Variants in LARP4 observed in about 807,000 individuals in gnomAD.
LARP4 encodes the protein la-related protein 4.
Under a neutral mutation model 92.9 loss-of-function variants are expected in LARP4, and 29 were observed. That is an observed-to-expected ratio of 0.31 (90% CI 0.23 to 0.43). The LOEUF (loss-of-function observed/expected upper bound fraction) is 0.43. LARP4 is among the 20% of genes least tolerant of loss of function. The pLI, the probability that LARP4 is intolerant of heterozygous loss-of-function variation, is 1.00. For missense variants in LARP4, 732 were observed against 860.0 expected, an observed-to-expected ratio of 0.85 and a Z score of 1.86; for synonymous variants, 279 against 284.1, an observed-to-expected ratio of 0.98 and a Z score of 0.18.
rs750605740 is a variant in LARP4 at position 50,429,001 on chromosome 12, C to A, written c.233C>A (p.Thr78Asn). The A allele has an allele frequency of 1.2e-6, 2 of 1,605,884 alleles. No homozygotes were observed. The highest frequency in any genetic ancestry group is 8.5e-7 in the Non-Finnish European group (1 of 1,173,404). Residue 78 changes from threonine (T) to asparagine (N), a missense_variant, in exon 3 of 16, where the codon ACC becomes AAC. This residue lies in a region of LARP4 where 236 missense variants were observed against 307.6 expected (regional missense o/e 0.77). Transcript: ENST00000398473. Reference protein sequence around the residue: ...YEVMYSSSCETTRNTTGIEES... With the variant: ...YEVMYSSSCENTRNTTGIEES... The stretch of plus-strand genomic sequence containing the variant: ...GTAATGTATTCTTCATCTTGTGAAA[C>A]CACAAGAAATACTACAGGCATTGAA...
Position 50,472,209 on chromosome 12 carries a change from C to T in LARP4, c.1546-1206C>T, listed in dbSNP as rs1283416173. 2.6e-5 allele frequency among the ~76,000 whole-genome samples: 4 copies of T among 152,244 alleles called. No homozygotes were observed. The East Asian group carries it at 7.7e-4, about 29-fold the overall frequency. Reference sequence around the variant, plus strand: ...CACATAACAGCGTTTACCATCTTAACCATTTTAAGTGTGTACAGTTTTGTA... The same window carrying T: ...CACATAACAGCGTTTACCATCTTAATCATTTTAAGTGTGTACAGTTTTGTA... On this transcript the variant is annotated intron_variant, in intron 13 of 15. Coordinates refer to ENST00000398473, the MANE Select transcript of LARP4 (RefSeq NM_052879.5).
At chr12:50,403,371 C>CA (rs1273751098) in intron 1 of LARP4, among the ~76,000 whole-genome samples, 2 of 152,164 alleles carry the variant, frequency 1.3e-5, no homozygotes, top group Non-Finnish European at 2.9e-5. Flanking sequence ...GTGACCTTGT[C>CA]ACCAAGACAA....
chr12:50,435,542 C>T lies in LARP4; in HGVS notation c.453C>T (p.Phe151=). Residue 151 remains phenylalanine (F), a synonymous_variant, in exon 5 of 16, where the codon TTC becomes TTT. Transcript: ENST00000398473. ...TATCTCAAATGGATAGTGATCAGTT[C>T]ATCCCAATTTGGACAGTTGCCAACA... ...YLISQMDSDQ[F]IPIWTVANME... is the part of the protein sequence containing the mutation. The T allele has an allele frequency of 6.3e-7, 1 of 1,595,128 alleles. No individual in the cohort carries two copies. The highest frequency in any genetic ancestry group is 8.6e-7 in the Non-Finnish European group (1 of 1,163,156).
Position 50,479,332 on chromosome 12 carries a change from C to T in LARP4, c.*3468C>T, listed in dbSNP as rs771323990. On this transcript the variant is annotated 3_prime_UTR_variant, in exon 16 of 16. Transcript: ENST00000398473. ...AAACTCAAAAGAGAACAGTGTATTC[C>T]TTCTGAGGGGCTTTTATAAATTATT... The T allele has an allele frequency of 6.6e-6, 1 of 152,320 alleles. No homozygotes were observed. The highest frequency in any genetic ancestry group is 1.5e-5 in the Non-Finnish European group (1 of 67,984). 9.4% of individuals were successfully genotyped at this position (152,320 alleles called of 1,614,324 possible).
chr12:50,432,874 A>G (rs539358491), intron 4 of LARP4, among the ~76,000 whole-genome samples: 3 of 151,170 alleles, frequency 2.0e-5, no homozygotes, highest in African/African-American at 7.3e-5. Context: ...AAAAAAAAAA[A>G]AAAGAAAAGC....
chr12:50,475,357 TAATA>T (rs1473127070), intron 15 of LARP4, among the ~76,000 whole-genome samples, 165 bp from the exon 16 acceptor site: 3 of 152,336 alleles, frequency 2.0e-5, no homozygotes, highest in South Asian at 2.1e-4. Flanking sequence ...AATTATTGTA[TAATA>T]AATAAAGATT....
Position 50,464,261 on chromosome 12 carries a change from T to A in LARP4, c.1383+1631T>A, listed in dbSNP as rs183098582. Among the ~76,000 whole-genome samples, 351 of 152,366 alleles carry A rather than the reference T, an allele frequency of 2.3e-3. 3 individuals are homozygous for A. Among genetic ancestry groups the A allele is most frequent in the Non-Finnish European group, 2.8e-3 (193 of 68,040 alleles). The stretch of plus-strand genomic sequence containing the variant: ...ATGATGCAGGCATCTGCCCAGCTTC[T>A]GGGGAGGCCTTGGGAAACTTACAAT... On this transcript the variant is annotated intron_variant, in intron 12 of 15. Coordinates refer to ENST00000398473, the MANE Select transcript of LARP4 (RefSeq NM_052879.5).
intron 1 of LARP4, chr12:50,420,986 G>A (rs1041731031): frequency 8.4e-6 from 1 of 118,380 alleles, no homozygotes; most frequent in African/African-American, 3.2e-5. Flanking sequence ...GTCTCGCTGT[G>A]TCACCCAGGC....
At chr12:50,449,631 G>C (rs541160035) in intron 8 of LARP4, among the ~76,000 whole-genome samples, 1 of 152,098 alleles carries the variant, frequency 6.6e-6, no homozygotes, top group African/African-American at 2.4e-5. Flanking sequence ...TATGCTCATT[G>C]GTCTGTTAAT....
At chr12:50,426,732 G>GTGTGTGTGTGTGTGTGGT (rs1948838581) in intron 1 of LARP4, among the ~76,000 whole-genome samples, 1 of 52,110 alleles carries the variant, frequency 1.9e-5, no homozygotes, top group Non-Finnish European at 3.8e-5. Context: ...TGTGTGTGTG[G>GTGTGTGTGTGTGTGTGGT]TTTTTTTTTT....
intron 1 of LARP4, among the ~76,000 whole-genome samples, chr12:50,410,606 G>A (rs141722295): frequency 0.01 from 1,548 of 151,090 alleles, 29 homozygotes; most frequent in African/African-American, 0.036. Context: ...GGGTTTCATC[G>A]TGTTAGTCAG....
intron 8 of LARP4, among the ~76,000 whole-genome samples, chr12:50,451,093 T>G (rs58916974): frequency 0.11 from 16,634 of 152,172 alleles, 1,812 homozygotes; most frequent in East Asian, 0.47. Context: ...TTTTTGGTAT[T>G]GCAAACATTT....
chr12:50,468,925 G>T (rs562763075), intron 13 of LARP4, among the ~76,000 whole-genome samples: 2 of 151,676 alleles, frequency 1.3e-5, no homozygotes, highest in African/African-American at 2.4e-5. Context: ...GTGCACTCTC[G>T]GTGTCCTACT....
At chr12:50,413,422 G>A (rs1253095504) in intron 1 of LARP4, among the ~76,000 whole-genome samples, 1 of 152,110 alleles carries the variant, frequency 6.6e-6, no homozygotes, top group Non-Finnish European at 1.5e-5. Flanking sequence ...ATATTTTACA[G>A]TATCACAGAT....
At chr12:50,448,082 G>A (rs1952518715) in intron 8 of LARP4, among the ~76,000 whole-genome samples, 1 of 152,070 alleles carries the variant, frequency 6.6e-6, no homozygotes, top group Non-Finnish European at 1.5e-5. Flanking sequence ...GGACAGGTTG[G>A]TCTTGAATTC....
intron 1 of LARP4, among the ~76,000 whole-genome samples, chr12:50,403,921 C>T (rs1476859886): frequency 2.3e-5 from 1 of 42,956 alleles, no homozygotes; most frequent in African/African-American, 7.7e-5. Flanking sequence ...TTAGTATCCC[C>T]ATTTTAGTGA....
chr12:50,437,210 G>A (rs1593088491), intron 5 of LARP4, among the ~76,000 whole-genome samples: 1 of 152,200 alleles, frequency 6.6e-6, no homozygotes, highest in East Asian at 1.9e-4. Context: ...TGGCTTTTGG[G>A]TCTCTGTAGT....
At chr12:50,449,498 A>G (rs1952766207) in intron 8 of LARP4, among the ~76,000 whole-genome samples, 1 of 152,098 alleles carries the variant, frequency 6.6e-6, no homozygotes, top group African/African-American at 2.4e-5. Flanking sequence ...CATGGAAAGT[A>G]GCTAGATACT....
chr12:50,463,907 T>G (rs1182069972), intron 12 of LARP4, among the ~76,000 whole-genome samples: 1 of 152,136 alleles, frequency 6.6e-6, no homozygotes. Context: ...TGGAGCAGGT[T>G]TCTGTCTGGA....
Sources: allele counts gnomAD v4.1 joint callset (sites outside exome capture counted in the v4.1 genomes callset), GRCh38; gene constraint gnomAD v4.1.1; regional missense constraint gnomAD v4.1.1; transcripts MANE v1.5; gene names NCBI Gene and HGNC (gene_info 2026-07-23, HGNC 2026-07-21).